Variants in DISP1 observed in about 807,000 individuals in gnomAD.
DISP1 encodes protein dispatched homolog 1.
Under a neutral mutation model 37.3 loss-of-function variants are expected in DISP1, and 30 were observed. The observed-to-expected ratio is 0.80, with a 90% CI of 0.60 to 1.09. The LOEUF (loss-of-function observed/expected upper bound fraction) is 1.09, where lower values mean the gene tolerates loss of function less well. DISP1 is among the 50% of genes least tolerant of loss of function. The pLI is 0.00. For synonymous variants in DISP1, 634 were observed against 690.2 expected, an observed-to-expected ratio of 0.92 and a Z score of 1.28; for missense variants, 1,598 against 1,879.5, an observed-to-expected ratio of 0.85 and a Z score of 2.77.
intron 1 of DISP1, among the ~76,000 whole-genome samples, chr1:222,919,339 C>A (rs769347800): frequency 1.3e-5 from 2 of 151,356 alleles, no homozygotes; most frequent in Non-Finnish European, 2.9e-5. Context: ...AAGTCACGCC[C>A]CGAGCGCAGT....
At chr1:222,847,296 G>A (rs1667967207) in intron 1 of DISP1, among the ~76,000 whole-genome samples, 1 of 152,078 alleles carries the variant, frequency 6.6e-6, no homozygotes, top group Admixed American at 6.6e-5. Context: ...TACTTTCCCT[G>A]TTCTAGTCCT....
At chr1:222,850,673 A>G (rs1232180865) in intron 1 of DISP1, among the ~76,000 whole-genome samples, 1 of 152,084 alleles carries the variant, frequency 6.6e-6, no homozygotes, top group East Asian at 1.9e-4. Flanking sequence ...GCTCCCTCTT[A>G]TAAGTGAGAA....
intron 2 of DISP1, among the ~76,000 whole-genome samples, chr1:222,941,416 A>G (rs189597843): frequency 1.3e-3 from 196 of 152,302 alleles, no homozygotes; most frequent in Admixed American, 4.5e-3. Context: ...CTAATGAGGG[A>G]AGTAACATCT....
At chr1:222,963,206 A>T (rs1248412174) in intron 3 of DISP1, among the ~76,000 whole-genome samples, 1 of 152,230 alleles carries the variant, frequency 6.6e-6, no homozygotes, top group Non-Finnish European at 1.5e-5. Flanking sequence ...AGAAATGCAA[A>T]TCAAAACCAA....
chr1:222,914,739 T>C (rs1672399024), intron 1 of DISP1, among the ~76,000 whole-genome samples: 1 of 152,078 alleles, frequency 6.6e-6, no homozygotes, highest in South Asian at 2.1e-4. Flanking sequence ...CAGGAGGATC[T>C]CTTGAGCCCA....
At chr1:222,947,366 A>G (rs1317532121) in intron 3 of DISP1, among the ~76,000 whole-genome samples, 2 of 152,124 alleles carry the variant, frequency 1.3e-5, no homozygotes. Context: ...AAGGCTGAAT[A>G]ATATTCCATT....
chr1:222,896,957 G>C (rs1036788452), intron 1 of DISP1, among the ~76,000 whole-genome samples: 2 of 152,166 alleles, frequency 1.3e-5, no homozygotes, highest in African/African-American at 4.8e-5. Context: ...GGAAAGTTTT[G>C]GAGTTTCTTA....
intron 1 of DISP1, among the ~76,000 whole-genome samples, chr1:222,869,822 G>A (rs547530278): frequency 3.1e-4 from 47 of 151,794 alleles, no homozygotes; most frequent in African/African-American, 1.1e-3. Context: ...AAGTTTTAGG[G>A]TACATGTGCA....
chr1:222,986,121 A>T (rs1041848776), intron 4 of DISP1, among the ~76,000 whole-genome samples: 5 of 152,156 alleles, frequency 3.3e-5, no homozygotes, highest in Non-Finnish European at 5.9e-5. Context: ...TAGTTAGTTG[A>T]CTTGGGCAGT....
chr1:223,002,369 G>A lies in DISP1; in HGVS notation c.988-16G>A. 1.2e-6 allele frequency: 2 copies of A among 1,610,704 alleles called. No individual in the cohort carries two copies. Among genetic ancestry groups the A allele is most frequent in the South Asian group, 2.2e-5 (2 of 91,008 alleles). On this transcript the variant is annotated splice_polypyrimidine_tract_variant and intron_variant, in intron 8 of 8. Transcript: ENST00000675850. Reference sequence around the variant, plus strand: ...AATTTAAACTGTAGTCCTTCTGCTTGTCTCTATCTCTGCAGATCAGATCTC... The same window carrying A: ...AATTTAAACTGTAGTCCTTCTGCTTATCTCTATCTCTGCAGATCAGATCTC...
At chr1:222,976,741 G>A (rs184652606) in intron 3 of DISP1, among the ~76,000 whole-genome samples, 41 of 152,124 alleles carry the variant, frequency 2.7e-4, no homozygotes, top group Non-Finnish European at 5.6e-4. Flanking sequence ...CAGAGAGAGG[G>A]TTTACATTTG....
At chr1:222,899,721 G>T (rs1183260184) in intron 1 of DISP1, 1 of 152,230 alleles carries the variant, frequency 6.6e-6, no homozygotes, top group African/African-American at 2.4e-5. Flanking sequence ...TGGGATTACA[G>T]TCGTGAGCTA....
intron 4 of DISP1, among the ~76,000 whole-genome samples, chr1:222,983,779 A>G (rs1013868112): frequency 6.6e-6 from 1 of 152,186 alleles, no homozygotes; most frequent in Admixed American, 6.5e-5. Context: ...CTTTCTTTTT[A>G]AAAATCTTGT....
intron 3 of DISP1, among the ~76,000 whole-genome samples, chr1:222,972,921 G>C (rs1259786302): frequency 6.6e-6 from 1 of 152,106 alleles, no homozygotes; most frequent in African/African-American, 2.4e-5. Flanking sequence ...CCTGGGGAGG[G>C]GGTTGGAAAT....
At chr1:222,994,812 A>C in intron 7 of DISP1, 73 bp from the exon 8 acceptor site, 1 of 1,151,360 alleles carries the variant, frequency 8.7e-7, no homozygotes, top group South Asian at 1.3e-5. Flanking sequence ...AATTATTTCC[A>C]AATCCTGAGT....
At chr1:222,839,918 G>A (rs1379374625) in intron 1 of DISP1, among the ~76,000 whole-genome samples, 1 of 133,446 alleles carries the variant, frequency 7.5e-6, no homozygotes, top group African/African-American at 2.8e-5. Flanking sequence ...GGGTAACAGA[G>A]CAAGACTGTC....
intron 1 of DISP1, among the ~76,000 whole-genome samples, chr1:222,901,438 G>A (rs900479878): frequency 6.6e-6 from 1 of 152,134 alleles, no homozygotes; most frequent in African/African-American, 2.4e-5. Flanking sequence ...ATAAGAGTAA[G>A]AGTGAAAAAC....
intron 1 of DISP1, among the ~76,000 whole-genome samples, chr1:222,882,428 A>G (rs760503281): frequency 7.4e-4 from 113 of 152,278 alleles, no homozygotes; most frequent in African/African-American, 2.5e-3. Context: ...GGGAATGGCA[A>G]ATATTTAGAG....
At chr1:222,833,630 C>T (rs149971113) in intron 1 of DISP1, among the ~76,000 whole-genome samples, 4 of 152,258 alleles carry the variant, frequency 2.6e-5, no homozygotes, top group Non-Finnish European at 5.9e-5. Flanking sequence ...CCTCCTATGA[C>T]CATTGCTTTG....
Sources: allele counts gnomAD v4.1 joint callset (sites outside exome capture counted in the v4.1 genomes callset), GRCh38; gene constraint gnomAD v4.1.1; transcripts MANE v1.5; gene names NCBI Gene and HGNC (gene_info 2026-07-23, HGNC 2026-07-21).